MAP1S: variants seen among roughly 807,000 people sequenced by gnomAD.
MAP1S encodes microtubule associated protein 1S.
A neutral mutation model predicts 60.9 loss-of-function variants in MAP1S; 27 were observed. The observed-to-expected ratio is 0.44, with a 90% CI of 0.33 to 0.61. The LOEUF is 0.61. Ranked by LOEUF, MAP1S falls within the 20% of genes least tolerant of loss-of-function variation. The pLI, the probability that MAP1S is intolerant of heterozygous loss-of-function variation, is 0.03. For missense variants in MAP1S, 1,608 were observed against 1,486.6 expected, an observed-to-expected ratio of 1.08 and a Z score of -1.34; for synonymous variants, 826 against 694.2, an observed-to-expected ratio of 1.19 and a Z score of -2.98.
chr19:17,724,652 A>G (rs557742738), intron 3 of MAP1S, among the ~76,000 whole-genome samples: 4 of 152,298 alleles, frequency 2.6e-5, no homozygotes, highest in Admixed American at 2.0e-4. Flanking sequence ...ACCTTCTTAC[A>G]GGTTGATTCC....
intron 1 of MAP1S, chr19:17,719,968 T>G (rs61671578): frequency 0.12 from 35,168 of 295,968 alleles, 4,750 homozygotes; most frequent in African/African-American, 0.43. Flanking sequence ...TGCCCGGGGG[T>G]AGGGCCTGGG....
rs771856629 is a variant in MAP1S, at chr19:17,727,928, G to C, written c.2544G>C (p.Leu848=). 2 of 1,610,322 alleles carry C rather than the reference G, an allele frequency of 1.2e-6. No homozygotes were observed. The highest frequency in any genetic ancestry group is 1.7e-6 in the Non-Finnish European group (2 of 1,178,744). The change falls in exon 5 of 7, where the codon CTG becomes CTC. Residue 848 remains leucine, a synonymous_variant. Transcript: ENST00000324096. The surrounding 1 kb of genome is among the most constrained non-coding windows in gnomAD (Gnocchi z 4.1). ...SSICMVDPEM[L]PPKTARQTEN... is the part of the protein sequence containing the mutation. ...TCTGCATGGTGGACCCCGAGATGCTGCCCCCCAAGACAGCACGGCAAACGG... is the reference window on the plus strand; with the variant it reads ...TCTGCATGGTGGACCCCGAGATGCTCCCCCCCAAGACAGCACGGCAAACGG...
chr19:17,727,682 C>G lies in MAP1S; in HGVS notation c.2298C>G (p.Ser766Arg). 1 of 1,609,636 alleles carries G rather than the reference C, an allele frequency of 6.2e-7. No homozygotes were observed. Among genetic ancestry groups the G allele is most frequent in the South Asian group, 1.1e-5 (1 of 90,948 alleles). Reference sequence around the variant, plus strand: ...CGTCCCCCGGCAGCTCGAATGACAGCAGTGCCCGGTCACAGGAACGGGCAG... The same window carrying G: ...CGTCCCCCGGCAGCTCGAATGACAGGAGTGCCCGGTCACAGGAACGGGCAG... ...APASPGSSND[S>R]SARSQERAGG... Residue 766 changes from serine to arginine, a missense_variant, in exon 5 of 7, where the codon AGC (serine) becomes AGG (arginine). Ser to Arg is a moderately radical substitution (Grantham distance 110). This residue lies in a region of MAP1S where 1,167 missense variants were observed against 961.4 expected (regional missense o/e 1.21). Transcript: ENST00000324096. This position sits in a 1 kb window ranked among gnomAD's most constrained non-coding sequence, Gnocchi z 4.1.
intron 1 of MAP1S, chr19:17,720,169 A>C (rs1019081504): frequency 1.1e-5 from 15 of 1,338,172 alleles, no homozygotes; most frequent in African/African-American, 1.5e-5. Context: ...TCATAGGCGC[A>C]CCTGCCAGGT....
chr19:17,727,746 A>T lies in MAP1S; in HGVS notation c.2362A>T (p.Ser788Cys). The T allele has an allele frequency of 6.2e-7, 1 of 1,606,926 alleles. No individual in the cohort carries two copies. Among genetic ancestry groups the T allele is most frequent in the Non-Finnish European group, 8.5e-7 (1 of 1,176,400 alleles). Residue 788 changes from serine (S) to cysteine (C), a missense_variant, in exon 5 of 7, where the codon AGC becomes TGC. Transcript: ENST00000324096. This position sits in a 1 kb window ranked among gnomAD's most constrained non-coding sequence, Gnocchi z 4.1. ...CGAGGAGACGCCACCCACATCGGTC[A>T]GCGAGTCCCTGCCCACCCTGTCTGA... ...GAEETPPTSV[S>C]ESLPTLSDSD...
intron 6 of MAP1S, among the ~76,000 whole-genome samples, chr19:17,733,996 A>AGAG (rs370437429): frequency 1.2e-3 from 188 of 152,274 alleles, no homozygotes; most frequent in African/African-American, 4.4e-3. Flanking sequence ...AAGTGAGTAG[A>AGAG]GAGGGGTCTC....
In MAP1S at chr19:17,727,460, C is replaced by G. The variant is rs145534127; in HGVS notation, c.2076C>G (p.Thr692=). 3 of 1,606,470 alleles carry G rather than the reference C, an allele frequency of 1.9e-6. No homozygotes were observed. In the South Asian group the frequency reaches 3.3e-5, roughly 18 times the overall value. Residue 692 remains threonine, a synonymous_variant, in exon 5 of 7, where the codon ACC becomes ACG. Transcript: ENST00000324096. The surrounding 1 kb of genome is among the most constrained non-coding windows in gnomAD (Gnocchi z 4.1). Reference sequence around the variant, plus strand: ...CAGAGGTGGGCTCCCCGCACTCGACCGAGGTGGACGAGTCCCTGTCGGTGT... The same window carrying G: ...CAGAGGTGGGCTCCCCGCACTCGACGGAGGTGGACGAGTCCCTGTCGGTGT... ...LPAEVGSPHS[T]EVDESLSVSF...
chr19:17,724,101 C>T (rs1322288828), intron 2 of MAP1S, 25 bp from the exon 3 acceptor site: 8 of 1,603,044 alleles, frequency 5.0e-6, no homozygotes, highest in Admixed American at 3.3e-5. Context: ...GGATTTGACT[C>T]CGGGACGGCC....
intron 6 of MAP1S, among the ~76,000 whole-genome samples, chr19:17,734,044 C>T (rs2080517028): frequency 6.6e-6 from 1 of 152,200 alleles, no homozygotes; most frequent in Admixed American, 6.5e-5. Flanking sequence ...AGCTCCGTCT[C>T]CTGTGTGCTG....
intron 2 of MAP1S, 32 bp downstream of exon 2, chr19:17,721,069 C>T (rs201151784): frequency 3.3e-4 from 524 of 1,569,928 alleles, no homozygotes; most frequent in Middle Eastern, 1.2e-3. Flanking sequence ...CTGCTCCCTA[C>T]CTCTTGTTAT....
At position 17,726,099 on chromosome 19, in the gene MAP1S, G is replaced by C; in HGVS notation, c.715G>C (p.Gly239Arg). ...GACCTCCGGGGGCTTCCTCAGGCTGGGCCGGCCCTGCTGCTACATCTTCCC... is the reference window on the plus strand; with the variant it reads ...GACCTCCGGGGGCTTCCTCAGGCTGCGCCGGCCCTGCTGCTACATCTTCCC... ...PPTSGGFLRL[G>R]RPCCYIFPGG... The change falls in exon 5 of 7, where the codon GGC (glycine) becomes CGC (arginine). Residue 239 changes from glycine to arginine, a missense_variant. Around this residue, in one of 4 missense-constraint regions of MAP1S, gnomAD observed 320 missense variants for 393.1 expected, o/e 0.81. Transcript: ENST00000324096. The C allele has an allele frequency of 1.2e-6, 2 of 1,613,900 alleles. No individual in the cohort carries two copies. Among genetic ancestry groups the C allele is most frequent in the Non-Finnish European group, 1.7e-6 (2 of 1,179,942 alleles).
intron 5 of MAP1S, chr19:17,729,059 T>G (rs529283059): frequency 9.8e-5 from 15 of 152,304 alleles, no homozygotes; most frequent in Non-Finnish European, 1.8e-4. Context: ...AAATAGCGTA[T>G]TTTATGTAAC....
intron 2 of MAP1S, among the ~76,000 whole-genome samples, chr19:17,722,416 C>T (rs2080378334): frequency 1.3e-5 from 2 of 152,220 alleles, no homozygotes; most frequent in African/African-American, 4.8e-5. Flanking sequence ...TGTGCCACTG[C>T]ACTTCAGCCT....
In MAP1S at chr19:17,728,000, C is replaced by A; in HGVS notation, c.2616C>A (p.Arg872=). Residue 872 remains arginine (R), a synonymous_variant, in exon 5 of 7, where the codon CGC becomes CGA. Transcript: ENST00000324096. The surrounding 1 kb of genome is among the most constrained non-coding windows in gnomAD (Gnocchi z 4.1). ...TRKPLARPNS[R]AAAPKATPVA... is the part of the protein sequence containing the mutation. ...AGCCCCTGGCCCGCCCCAACTCACGCGCTGCCGCCCCCAAAGCCACTCCAG... is the reference window on the plus strand; with the variant it reads ...AGCCCCTGGCCCGCCCCAACTCACGAGCTGCCGCCCCCAAAGCCACTCCAG... 2 of 1,611,046 alleles carry A rather than the reference C, an allele frequency of 1.2e-6. No individual in the cohort carries two copies. Among genetic ancestry groups the A allele is most frequent in the East Asian group, 4.5e-5 (2 of 44,790 alleles).
Position 17,727,528 on chromosome 19 carries a change from C to G in MAP1S, c.2144C>G (p.Ala715Gly), listed in dbSNP as rs1266124833. 4.3e-6 allele frequency: 7 copies of G among 1,610,190 alleles called. No homozygotes were observed. Among genetic ancestry groups the G allele is most frequent in the Non-Finnish European group, 5.9e-6 (7 of 1,179,478 alleles). The change falls in exon 5 of 7, where the codon GCT (alanine) becomes GGT (glycine). Residue 715 changes from alanine (A) to glycine (G), a missense_variant. By Grantham distance (60) the Ala-to-Gly change is moderately conservative. Around this residue, in one of 4 missense-constraint regions of MAP1S, gnomAD observed 1,167 missense variants for 961.4 expected, o/e 1.21. Transcript: ENST00000324096. This position sits in a 1 kb window ranked among gnomAD's most constrained non-coding sequence, Gnocchi z 4.1. ...CCGCCATCCGCCCCCACCAGTGAGGCTGGGCTGAGCCTCCCGCTGCGTGGC... is the reference window on the plus strand; with the variant it reads ...CCGCCATCCGCCCCCACCAGTGAGGGTGGGCTGAGCCTCCCGCTGCGTGGC... ...VLPPSAPTSE[A>G]GLSLPLRGPR... is the part of the protein sequence containing the mutation.
intron 1 of MAP1S, chr19:17,720,496 C>G: frequency 6.6e-7 from 1 of 1,519,144 alleles, no homozygotes; most frequent in Non-Finnish European, 8.8e-7. Flanking sequence ...CACATGGTGT[C>G]AGGAAGGATG....
At chr19:17,724,894 T>A in intron 3 of MAP1S, 155 bp from the exon 4 acceptor site, 1 of 880,876 alleles carries the variant, frequency 1.1e-6, no homozygotes, top group Admixed American at 2.0e-5. Flanking sequence ...GCAGGAGACC[T>A]GGAGACTGCC....
In MAP1S at chr19:17,733,316, T is replaced by C; in HGVS notation, c.2912T>C (p.Val971Ala). The C allele has an allele frequency of 1.2e-6, 2 of 1,603,802 alleles. No homozygotes were observed. Among genetic ancestry groups the C allele is most frequent in the Non-Finnish European group, 1.7e-6 (2 of 1,176,242 alleles). Residue 971 changes from valine to alanine, a missense_variant, in exon 6 of 7, where the codon GTG (valine) becomes GCG (alanine). This residue lies in a region of MAP1S where 1,167 missense variants were observed against 961.4 expected (regional missense o/e 1.21). Coordinates refer to ENST00000324096, the MANE Select transcript of MAP1S (RefSeq NM_018174.6). ...GTGGATGAGGAGTTCTTCCAGCGCG[T>C]GCGCGCGCTCTGCTACGTCATCAGT... ...HLVDEEFFQR[V>A]RALCYVISGQ...
At chr19:17,720,240 G>C (rs2080358429) in intron 1 of MAP1S, 1 of 1,387,866 alleles carries the variant, frequency 7.2e-7, no homozygotes, top group Admixed American at 3.1e-5. Context: ...GGGTGGAGAT[G>C]GGTGTTCATC....
Sources: allele counts gnomAD v4.1 joint callset (sites outside exome capture counted in the v4.1 genomes callset), GRCh38; gene constraint gnomAD v4.1.1; regional missense constraint gnomAD v4.1.1; non-coding constraint Gnocchi (gnomAD v3.1); transcripts MANE v1.5; gene names NCBI Gene and HGNC (gene_info 2026-07-23, HGNC 2026-07-21).